POLD3: variants seen among roughly 807,000 people sequenced by gnomAD.
The protein encoded by POLD3 is DNA polymerase delta subunit 3.
POLD3 carries 19 observed loss-of-function variants against 58.2 expected under a neutral mutation model. The observed-to-expected ratio is 0.33, with a 90% CI of 0.23 to 0.48. The LOEUF (loss-of-function observed/expected upper bound fraction) is 0.48, where lower values mean the gene tolerates loss of function less well. Among genes scored for constraint, POLD3 ranks in the 20% least tolerant of loss-of-function variants. POLD3 has a pLI of 0.99. For synonymous variants in POLD3, 172 were observed against 193.5 expected, an observed-to-expected ratio of 0.89 and a Z score of 0.92; for missense variants, 504 against 545.5, an observed-to-expected ratio of 0.92 and a Z score of 0.76.
intron 9 of POLD3, among the ~76,000 whole-genome samples, chr11:74,629,966 ACT>A (rs2032544530): frequency 6.6e-6 from 1 of 152,050 alleles, no homozygotes; most frequent in Non-Finnish European, 1.5e-5. Context: ...ATGCTGGACG[ACT>A]CTACCTTGAA....
At chr11:74,607,277 T>TA (rs72211998) in intron 3 of POLD3, among the ~76,000 whole-genome samples, 35 of 148,716 alleles carry the variant, frequency 2.4e-4, no homozygotes, top group African/African-American at 7.1e-4. Context: ...TTTATTTATT[T>TA]TTTGAGACCG....
intron 9 of POLD3, among the ~76,000 whole-genome samples, chr11:74,631,762 G>A (rs561088216): frequency 6.6e-6 from 1 of 152,208 alleles, no homozygotes; most frequent in African/African-American, 2.4e-5. Context: ...AATTACAGGC[G>A]TGAGCCACTG....
intron 4 of POLD3, among the ~76,000 whole-genome samples, chr11:74,665,946 A>G (rs371345078): frequency 3.3e-5 from 5 of 152,278 alleles, no homozygotes; most frequent in East Asian, 3.9e-4. Flanking sequence ...CATTTTAGAA[A>G]GGAAGAAGTA....
chr11:74,628,548 G>C (rs75834582), intron 8 of POLD3, among the ~76,000 whole-genome samples: 4,174 of 152,200 alleles, frequency 0.027, 225 homozygotes, highest in African/African-American at 0.095. Flanking sequence ...GGAGTGTGAT[G>C]GAGTATCCAT....
intron 4 of POLD3, chr11:74,652,486 C>T (rs963539971): frequency 6.6e-6 from 1 of 152,178 alleles, no homozygotes; most frequent in East Asian, 1.9e-4. Context: ...CTGAATAGAG[C>T]TTACTTTCTA....
chr11:74,612,051 T>G (rs34612999), intron 4 of POLD3, among the ~76,000 whole-genome samples: 1 of 152,212 alleles, frequency 6.6e-6, no homozygotes, highest in South Asian at 2.1e-4. Context: ...ACCTGTACTG[T>G]TGTACTTTGT....
rs1158780095 is a variant in POLD3, at chr11:74,596,186, C to CT, written c.116+2084dup. Among the ~76,000 whole-genome samples the CT allele has an allele frequency of 2.0e-3, 255 of 126,912 alleles. 1 individual carries two copies. Among genetic ancestry groups the CT allele is most frequent in the Middle Eastern group, 4.8e-3 (1 of 208 alleles). The allele number at this position is 126,912 out of a possible 152,430, so 83.3% of individuals were successfully genotyped here. ...CCGGCCTAAGAAGATTTTTTTTTTT[C>CT]TTTTTTTTTTTTTTGAGGCAGAAGC... On this transcript the variant is annotated intron_variant, in intron 2 of 11. Transcript: ENST00000263681.
downstream of POLD3, among the ~76,000 whole-genome samples, chr11:74,644,382 G>T (rs2032974878): frequency 6.6e-6 from 1 of 152,180 alleles, no homozygotes. Context: ...GCCTCGTTTT[G>T]TTGTGAGAAG....
chr11:74,649,018 G>T (rs1354836772), intron 4 of POLD3, among the ~76,000 whole-genome samples: 1 of 152,120 alleles, frequency 6.6e-6, no homozygotes, highest in East Asian at 1.9e-4. Context: ...CTCATGCTTG[G>T]AAATTCTCTG....
downstream of POLD3, among the ~76,000 whole-genome samples, chr11:74,645,538 G>C (rs113997374): frequency 0.012 from 1,772 of 152,332 alleles, 35 homozygotes; most frequent in African/African-American, 0.041. Flanking sequence ...TGCAAACCCT[G>C]TCTGAGGCAC....
intron 4 of POLD3, among the ~76,000 whole-genome samples, chr11:74,664,852 C>T (rs758655381): frequency 4.6e-5 from 7 of 152,170 alleles, no homozygotes; most frequent in Non-Finnish European, 8.8e-5. Flanking sequence ...GTAATCCCAA[C>T]ACTTTGAGAG....
intron 8 of POLD3, among the ~76,000 whole-genome samples, chr11:74,627,830 T>C (rs890164545): frequency 1.3e-5 from 2 of 152,182 alleles, no homozygotes; most frequent in African/African-American, 2.4e-5. Flanking sequence ...TCTGTGATGT[T>C]CACACAGTGA....
At chr11:74,601,464 T>A (rs767199142) in intron 2 of POLD3, among the ~76,000 whole-genome samples, 4 of 152,062 alleles carry the variant, frequency 2.6e-5, no homozygotes, top group Non-Finnish European at 5.9e-5. Flanking sequence ...ATAATAGATA[T>A]GGGATAAAAT....
intron 1 of POLD3, among the ~76,000 whole-genome samples, chr11:74,593,567 C>G (rs936054995): frequency 2.6e-5 from 4 of 152,120 alleles, no homozygotes; most frequent in African/African-American, 4.8e-5. Context: ...CTGGTAGTTC[C>G]CAATCTAATC....
At chr11:74,625,806 G>A (rs375369606) in intron 8 of POLD3, among the ~76,000 whole-genome samples, 17 of 151,760 alleles carry the variant, frequency 1.1e-4, no homozygotes, top group South Asian at 6.3e-4. Context: ...GTTTTTGGCC[G>A]TATTGATCTA....
At chr11:74,665,482 C>T (rs886438490) in intron 4 of POLD3, among the ~76,000 whole-genome samples, 2 of 138,872 alleles carry the variant, frequency 1.4e-5, no homozygotes, top group Non-Finnish European at 3.0e-5. Context: ...CTCACTGCAA[C>T]CTCCACCTCC....
chr11:74,629,223 G>A lies in POLD3; in HGVS notation c.906G>A (p.Lys302=), dbSNP rs2032515453. The change falls in exon 9 of 12, where the codon AAG becomes AAA. Residue 302 remains lysine, a synonymous_variant. Coordinates refer to ENST00000263681, the MANE Select transcript of POLD3 (RefSeq NM_006591.3). ...KVLQKEKKRG[K]RVALSDDETK... ...TATTTCTGGATGGCAACAGGGGGAA[G>A]CGAGTAGCATTATCTGATGATGAGA... 6.3e-7 allele frequency: 1 copy of A among 1,587,280 alleles called. No individual in the cohort carries two copies. Among genetic ancestry groups the A allele is most frequent in the East Asian group, 2.3e-5 (1 of 43,680 alleles).
rs2032922191 is a variant in POLD3 at position 74,641,867 on chromosome 11, T to G, written c.*1101T>G. 1 of 985,262 alleles carries G rather than the reference T, an allele frequency of 1.0e-6. No individual in the cohort carries two copies. Among genetic ancestry groups the G allele is most frequent in the African/African-American group, 1.7e-5 (1 of 57,348 alleles). 61.0% of individuals were successfully genotyped at this position (985,262 alleles called of 1,614,324 possible). On this transcript the variant is annotated 3_prime_UTR_variant, in exon 12 of 12. Coordinates refer to ENST00000263681, the MANE Select transcript of POLD3 (RefSeq NM_006591.3). ...GGATGGAGAGGGAGAGACTGAATTGTTAGTAGGTCTAAACATCAAAGAAAA... is the reference window on the plus strand; with the variant it reads ...GGATGGAGAGGGAGAGACTGAATTGGTAGTAGGTCTAAACATCAAAGAAAA...
downstream of POLD3, among the ~76,000 whole-genome samples, chr11:74,669,289 A>C (rs1362341508): frequency 6.6e-6 from 1 of 152,262 alleles, no homozygotes; most frequent in Non-Finnish European, 1.5e-5. Flanking sequence ...AGGGATTATT[A>C]TAATTGCAGT....
Sources: gnomAD v4.1 joint callset for allele counts (sites outside exome capture counted in the v4.1 genomes callset) on GRCh38, gnomAD v4.1.1 for gene constraint, MANE v1.5 for transcripts, NCBI Gene and HGNC (gene_info 2026-07-23, HGNC 2026-07-21) for gene names.